EDEM1: variants seen among roughly 807,000 people sequenced by gnomAD.
The protein encoded by EDEM1 is ER degradation enhancing alpha-mannosidase like protein 1.
A neutral mutation model predicts 74.4 loss-of-function variants in EDEM1; 67 were observed. That is an observed-to-expected ratio of 0.90 (90% CI 0.74 to 1.10). The LOEUF (loss-of-function observed/expected upper bound fraction) is 1.10, where lower values mean the gene tolerates loss of function less well. EDEM1 is among the 50% of genes least tolerant of loss of function. EDEM1 has a pLI of 0.00. For missense variants in EDEM1, 926 were observed against 851.6 expected, an observed-to-expected ratio of 1.09 and a Z score of -1.09; for synonymous variants, 382 against 335.9, an observed-to-expected ratio of 1.14 and a Z score of -1.50.
chr3:5,195,781 C>G (rs2054959055), intron 2 of EDEM1, among the ~76,000 whole-genome samples: 1 of 152,242 alleles, frequency 6.6e-6, no homozygotes, highest in Non-Finnish European at 1.5e-5. Flanking sequence ...CACTCCATGC[C>G]TGAGCTGCCA....
chr3:5,205,587 A>T (rs372047054), intron 6 of EDEM1, among the ~76,000 whole-genome samples: 2 of 152,220 alleles, frequency 1.3e-5, no homozygotes, highest in African/African-American at 2.4e-5. Context: ...CTAAGGCCCA[A>T]TGGTGCTGGG....
chr3:5,202,335 C>A (rs1314647814), intron 4 of EDEM1, among the ~76,000 whole-genome samples: 1 of 152,228 alleles, frequency 6.6e-6, no homozygotes, highest in Non-Finnish European at 1.5e-5. Context: ...CTTTTCAATG[C>A]TTCACGTGGA....
At chr3:5,190,707 C>T (rs2054891883) in intron 1 of EDEM1, among the ~76,000 whole-genome samples, 2 of 152,118 alleles carry the variant, frequency 1.3e-5, no homozygotes, top group Non-Finnish European at 2.9e-5. Flanking sequence ...AAGGGTTGTG[C>T]CCTGAGCTGG....
intron 5 of EDEM1, among the ~76,000 whole-genome samples, chr3:5,204,474 A>C (rs146155803): frequency 1.3e-5 from 2 of 151,928 alleles, no homozygotes; most frequent in African/African-American, 2.4e-5. Flanking sequence ...CCCAGGCTCA[A>C]GTGATCCCTG....
chr3:5,211,672 G>GTA, intron 10 of EDEM1, among the ~76,000 whole-genome samples: 1 of 151,880 alleles, frequency 6.6e-6, no homozygotes, highest in Non-Finnish European at 1.5e-5. Context: ...GTGTGTGTGT[G>GTA]TGTGTGTGTG....
intron 5 of EDEM1, among the ~76,000 whole-genome samples, chr3:5,204,268 G>A (rs1184418804): frequency 6.6e-6 from 1 of 151,888 alleles, no homozygotes; most frequent in African/African-American, 2.4e-5. Context: ...TTTTGATTCT[G>A]CCTGACATTT....
At chr3:5,191,390 AT>A (rs879732969) in intron 1 of EDEM1, among the ~76,000 whole-genome samples, 288 of 143,846 alleles carry the variant, frequency 2.0e-3, no homozygotes, top group East Asian at 4.0e-3. Context: ...TGCTCGGCTA[AT>A]TTTTTTTTTT....
Position 5,218,688 on chromosome 3 carries a change from A to G in EDEM1, c.*2770A>G, listed in dbSNP as rs1041734486. On this transcript the variant is annotated 3_prime_UTR_variant, in exon 12 of 12. Transcript: ENST00000256497. ...TGGCTTGACAAAGCATAATTCTCTC[A>G]TAACAAACTTTCAAATCATTACAGT... is the stretch of plus-strand genomic sequence containing the variant. The G allele has an allele frequency of 1.6e-4, 24 of 152,134 alleles. No homozygotes were observed. Among genetic ancestry groups the G allele is most frequent in the African/African-American group, 5.6e-4 (23 of 41,386 alleles). The allele number at this position is 152,134 out of a possible 1,614,324, so 9.4% of individuals were successfully genotyped here.
In EDEM1 at chr3:5,206,311, G is replaced by A. The variant is rs143711026; in HGVS notation, c.1218-842G>A. 9.2e-4 allele frequency among the ~76,000 whole-genome samples: 139 copies of A among 151,648 alleles called. 1 individual carries two copies. The highest frequency in any genetic ancestry group is 3.2e-3 in the African/African-American group (133 of 41,326). On this transcript the variant is annotated intron_variant, in intron 6 of 11. Coordinates refer to ENST00000256497, the MANE Select transcript of EDEM1 (RefSeq NM_014674.3). ...CAACCTCTGCCTCCTGCGTTCAAGCGATTCTCCTGCCTCAGCCTCCTGAGT... is the reference window on the plus strand; with the variant it reads ...CAACCTCTGCCTCCTGCGTTCAAGCAATTCTCCTGCCTCAGCCTCCTGAGT...
chr3:5,206,463 C>A (rs2055098448), intron 6 of EDEM1, among the ~76,000 whole-genome samples: 1 of 152,126 alleles, frequency 6.6e-6, no homozygotes, highest in South Asian at 2.1e-4. Flanking sequence ...GCCTCGGCCT[C>A]CCAAAGTGCT....
Position 5,207,232 on chromosome 3 carries a change from A to C in EDEM1, c.1297A>C (p.Thr433Pro). 2 of 1,614,132 alleles carry C rather than the reference A, an allele frequency of 1.2e-6. No individual in the cohort carries two copies. Among genetic ancestry groups the C allele is most frequent in the East Asian group, 4.5e-5 (2 of 44,874 alleles). ...VNMFSGQLMN[T>P]WIDSLQAFFP... ...CATGTTCAGTGGGCAGCTGATGAAC[A>C]CCTGGATTGACTCTCTGCAGGCCTT... The change falls in exon 7 of 12, where the codon ACC becomes CCC. Residue 433 changes from threonine to proline, a missense_variant. Transcript: ENST00000256497.
chr3:5,205,297 GA>G, intron 6 of EDEM1, 56 bp downstream of exon 6: 1 of 1,536,908 alleles, frequency 6.5e-7, no homozygotes, highest in Non-Finnish European at 8.8e-7. Flanking sequence ...AATGCATTCT[GA>G]AGCGTTTGTA....
intron 2 of EDEM1, among the ~76,000 whole-genome samples, chr3:5,196,300 T>C (rs1427004539): frequency 2.0e-5 from 3 of 151,964 alleles, no homozygotes; most frequent in African/African-American, 7.3e-5. Flanking sequence ...CTACTAAAAG[T>C]ACAAAAATTA....
intron 11 of EDEM1, among the ~76,000 whole-genome samples, chr3:5,214,502 G>A (rs1186517544): frequency 6.6e-6 from 1 of 152,226 alleles, no homozygotes; most frequent in African/African-American, 2.4e-5. Flanking sequence ...AGTGGACAAA[G>A]CATAATCGGG....
chr3:5,218,833 A>G lies in EDEM1; in HGVS notation c.*2915A>G, dbSNP rs566992964. On this transcript the variant is annotated 3_prime_UTR_variant, in exon 12 of 12. Coordinates refer to ENST00000256497, the MANE Select transcript of EDEM1 (RefSeq NM_014674.3). ...TGTGAAAAACCAGCTTCTGTATTCA[A>G]ATCTTTCCTTCATTTTTTTAAATTT... is the stretch of plus-strand genomic sequence containing the variant. 6.6e-6 allele frequency: 1 copy of G among 152,208 alleles called. No individual in the cohort carries two copies. The highest frequency in any genetic ancestry group is 2.1e-4 in the South Asian group (1 of 4,816). 9.4% of individuals were successfully genotyped at this position (152,208 alleles called of 1,614,324 possible). A position where few individuals can be genotyped will look rare whatever the true frequency, so the allele number is the denominator to read the frequency against.
rs139738793 is a variant in EDEM1, at chr3:5,213,482, C to G, written c.1844C>G (p.Pro615Arg). 8 of 1,613,702 alleles carry G rather than the reference C, an allele frequency of 5.0e-6. No homozygotes were observed. The highest frequency in any genetic ancestry group is 6.8e-6 in the Non-Finnish European group (8 of 1,179,822). The change falls in exon 11 of 12, where the codon CCG becomes CGG. Residue 615 changes from proline to arginine, a missense_variant. Pro to Arg is a moderately radical substitution (Grantham distance 103). Transcript: ENST00000256497. ...QDQGGKSVHR[P>R]KPHELKVINS... ...CAAGGGGGAAAGTCTGTGCACAGGCCGAAACCTCATGAGTTAAAAGTCATC... is the reference window on the plus strand; with the variant it reads ...CAAGGGGGAAAGTCTGTGCACAGGCGGAAACCTCATGAGTTAAAAGTCATC...
chr3:5,188,124 CG>C lies in EDEM1; in HGVS notation c.323del (p.Gly108AlafsTer66). On this transcript the variant is annotated frameshift_variant, in exon 1 of 12. Coordinates refer to ENST00000256497, the MANE Select transcript of EDEM1 (RefSeq NM_014674.3). LOFTEE classifies it high-confidence loss of function. ...PANWGYVLGG[R>X]GRGPDEYEKR... ...CAACTGGGGCTACGTGCTGGGCGGC[CG>C]GGGCCGCGGCCCGGACGAGTACGAG... The C allele has an allele frequency of 6.6e-7, 1 of 1,523,730 alleles. No individual in the cohort carries two copies. 94.4% of individuals were successfully genotyped at this position (1,523,730 alleles called of 1,614,324 possible). A position where few individuals can be genotyped will look rare whatever the true frequency, so the allele number is the denominator to read the frequency against.
rs1203514815 is a variant in EDEM1, at chr3:5,219,825, TG to T, written c.*3908del. 6.5e-6 allele frequency: 1 copy of T among 152,742 alleles called. No homozygotes were observed. Among genetic ancestry groups the T allele is most frequent in the African/African-American group, 2.4e-5 (1 of 41,568 alleles). The allele number at this position is 152,742 out of a possible 1,614,324, so 9.5% of individuals were successfully genotyped here. On this transcript the variant is annotated 3_prime_UTR_variant, in exon 12 of 12. Coordinates refer to ENST00000256497, the MANE Select transcript of EDEM1 (RefSeq NM_014674.3). ...TTATGTTTAATCTGTAAATAAGAAA[TG>T]TATTTAAATTAAAAGGGATCTTTTT...
chr3:5,188,876 T>G (rs113761045), intron 1 of EDEM1, among the ~76,000 whole-genome samples: 96 of 152,326 alleles, frequency 6.3e-4, no homozygotes, highest in African/African-American at 1.9e-3. Context: ...AGGGGCTGCT[T>G]CTTAGGCTGA....
Sources: allele counts gnomAD v4.1 joint callset (sites outside exome capture counted in the v4.1 genomes callset), GRCh38; gene constraint gnomAD v4.1.1; transcripts MANE v1.5; gene names NCBI Gene and HGNC (gene_info 2026-07-23, HGNC 2026-07-21).